STOML3: variants seen among roughly 807,000 people sequenced by gnomAD.
STOML3 encodes the protein stomatin like 3.
STOML3 carries 31 observed loss-of-function variants against 29.5 expected under a neutral mutation model. The ratio of observed to expected loss-of-function variants is 1.05; its 90% CI spans 0.79 to 1.42. STOML3 has a LOEUF of 1.42. Among genes scored for constraint, STOML3 ranks in the 40% most tolerant of loss-of-function variants. The pLI is 0.00. For synonymous variants in STOML3, 122 were observed against 139.8 expected, an observed-to-expected ratio of 0.87 and a Z score of 0.90; for missense variants, 380 against 363.0, an observed-to-expected ratio of 1.05 and a Z score of -0.38.
At chr13:38,981,870 T>G (rs1881278116) in intron 1 of STOML3, among the ~76,000 whole-genome samples, 1 of 152,168 alleles carries the variant, frequency 6.6e-6, no homozygotes, top group African/African-American at 2.4e-5. Flanking sequence ...CTACTAAAGC[T>G]AAACATGTAT....
rs746688340 is a variant in STOML3, at chr13:38,966,877, C to T, written c.824G>A (p.Gly275Asp). Residue 275 changes from glycine (G) to aspartate (D), a missense_variant, in exon 7 of 7, where the codon GGC (glycine) becomes GAC (aspartate). Physicochemically the swap from Gly to Asp is moderately conservative, Grantham distance 94. Coordinates refer to ENST00000379631, the MANE Select transcript of STOML3 (RefSeq NM_145286.3). ...GTTATCATAGCTGACGCCACCAATGCCCTCTAGTATATTCATGGGCAGAGG... is the reference window on the plus strand; with the variant it reads ...GTTATCATAGCTGACGCCACCAATGTCCTCTAGTATATTCATGGGCAGAGG... ...VFPLPMNILE[G>D]IGGVSYDNHK... 2 of 1,613,762 alleles carry T rather than the reference C, an allele frequency of 1.2e-6. No homozygotes were observed. Among genetic ancestry groups the T allele is most frequent in the Non-Finnish European group, 1.7e-6 (2 of 1,179,984 alleles).
chr13:38,975,699 A>G (rs1380688458), intron 3 of STOML3, among the ~76,000 whole-genome samples: 1 of 152,180 alleles, frequency 6.6e-6, no homozygotes, highest in Non-Finnish European at 1.5e-5. Context: ...GCAATTTCCT[A>G]TGGTTCAACT....
chr13:38,973,106 A>C (rs113954281), intron 3 of STOML3, among the ~76,000 whole-genome samples: 28,121 of 116,206 alleles, frequency 0.24, 2,148 homozygotes, highest in Middle Eastern at 0.39. Flanking sequence ...TAAAAAAAAA[A>C]AAAAAAAAAA....
At chr13:38,980,180 T>G in intron 1 of STOML3, 1 of 1,524,976 alleles carries the variant, frequency 6.6e-7, no homozygotes, top group Non-Finnish European at 8.9e-7. Context: ...TTCCAAGATT[T>G]ACACTGGAGC....
chr13:38,976,666 T>G, intron 2 of STOML3, 28 bp downstream of exon 2: 1 of 1,613,898 alleles, frequency 6.2e-7, no homozygotes, highest in Non-Finnish European at 8.5e-7. Flanking sequence ...TTCATATAGA[T>G]AGCCCAGTTT....
At chr13:38,972,006 C>T (rs1593498980) in intron 4 of STOML3, among the ~76,000 whole-genome samples, 2 of 152,302 alleles carry the variant, frequency 1.3e-5, no homozygotes, top group Non-Finnish European at 1.5e-5. Context: ...TCTCCTCTGT[C>T]CTTATGCCTG....
chr13:38,968,565 A>G, intron 5 of STOML3, 31 bp from the exon 6 acceptor site: 2 of 1,612,750 alleles, frequency 1.2e-6, no homozygotes, highest in Non-Finnish European at 1.7e-6. Context: ...AAGACTAATA[A>G]GAAAGACAGG....
intron 1 of STOML3, among the ~76,000 whole-genome samples, chr13:38,977,180 A>T (rs1289801720): frequency 6.6e-6 from 1 of 152,198 alleles, no homozygotes; most frequent in East Asian, 1.9e-4. Context: ...CTCGAGGTAA[A>T]ATTCAAAGCA....
rs1880808267 is a variant in STOML3 at position 38,970,182 on chromosome 13, T to C, written c.516+3A>G. The C allele has an allele frequency of 1.2e-6, 2 of 1,611,128 alleles. No individual in the cohort carries two copies. The highest frequency in any genetic ancestry group is 3.3e-5 in the Admixed American group (2 of 59,954). On this transcript the variant is annotated splice_donor_region_variant and intron_variant, in intron 5 of 6. Coordinates refer to ENST00000379631, the MANE Select transcript of STOML3 (RefSeq NM_145286.3). ...ACAGGCTATTAGTTCATGGTGTCTT[T>C]ACCTGGATGCTATGGGCGATCTCTT... is the stretch of plus-strand genomic sequence containing the variant.
intron 1 of STOML3, among the ~76,000 whole-genome samples, chr13:38,984,938 T>C (rs766684058): frequency 6.6e-6 from 1 of 152,148 alleles, no homozygotes; most frequent in Non-Finnish European, 1.5e-5. Context: ...TACTTTGAAG[T>C]ACAGGATGAG....
At chr13:38,967,080 A>G in intron 6 of STOML3, 31 bp from the exon 7 acceptor site, 1 of 1,595,554 alleles carries the variant, frequency 6.3e-7, no homozygotes, top group Non-Finnish European at 8.6e-7. Context: ...TCGTTCAGAA[A>G]TAAAAGTTTA....
chr13:38,988,368 A>C (rs1178063432), intron 1 of STOML3, among the ~76,000 whole-genome samples: 1 of 53,078 alleles, frequency 1.9e-5, no homozygotes, highest in Non-Finnish European at 2.5e-5. Flanking sequence ...TATTTTATAT[A>C]ATATATTATA....
At chr13:38,980,370 T>C (rs1881230659) in intron 1 of STOML3, among the ~76,000 whole-genome samples, 1 of 152,084 alleles carries the variant, frequency 6.6e-6, no homozygotes, top group Non-Finnish European at 1.5e-5. Context: ...CCTGGCAGCC[T>C]TTCTCTCTCC....
intron 1 of STOML3, among the ~76,000 whole-genome samples, chr13:38,977,129 C>T (rs1039089068): frequency 2.0e-5 from 3 of 152,192 alleles, no homozygotes; most frequent in African/African-American, 2.4e-5. Flanking sequence ...ATCTCTGGAC[C>T]GTCCACACCA....
At chr13:38,978,690 C>T (rs1211677603) in intron 1 of STOML3, among the ~76,000 whole-genome samples, 6 of 152,170 alleles carry the variant, frequency 3.9e-5, no homozygotes, top group African/African-American at 1.4e-4. Flanking sequence ...CTTCCCTATC[C>T]AGTTGCAGAA....
Position 38,972,563 on chromosome 13 carries a change from C to T in STOML3, c.261G>A (p.Val87=), listed in dbSNP as rs771751812. The T allele has an allele frequency of 6.8e-6, 11 of 1,614,004 alleles. No homozygotes were observed. The South Asian group carries it at 9.9e-5, about 14-fold the overall frequency. The change falls in exon 4 of 7, where the codon GTG becomes GTA. Residue 87 remains valine (V), a synonymous_variant. Transcript: ENST00000379631. ...CTGTTCGGAGGTCAACTTTGACAAA[C>T]ACATCTATGCATGGCAGGACCAGGA... ...GLILVLPCID[V]FVKVDLRTVT...
At chr13:38,982,665 G>T (rs945153104) in intron 1 of STOML3, among the ~76,000 whole-genome samples, 3 of 152,074 alleles carry the variant, frequency 2.0e-5, no homozygotes, top group African/African-American at 7.2e-5. Context: ...CATCAAACTG[G>T]GTACTGGGTC....
intron 3 of STOML3, 114 bp from the exon 4 acceptor site, chr13:38,972,708 C>A: frequency 1.2e-6 from 1 of 858,632 alleles, no homozygotes; most frequent in Non-Finnish European, 1.9e-6. Context: ...TCAGATGATC[C>A]TCAATATGCA....
rs753483931 is a variant in STOML3 at position 38,976,840 on chromosome 13, T to C, written c.53-43A>G. 4 of 1,553,270 alleles carry C rather than the reference T, an allele frequency of 2.6e-6. No homozygotes were observed. In the East Asian group the frequency reaches 9.2e-5, roughly 36 times the overall value. On this transcript the variant is annotated intron_variant, in intron 1 of 6. Coordinates refer to ENST00000379631, the MANE Select transcript of STOML3 (RefSeq NM_145286.3). ...AGCAAATATGTGATCAATGTGGTTA[T>C]TAAAAAAGCCACCCAGCTGCATGGG...
Sources: allele counts gnomAD v4.1 joint callset (sites outside exome capture counted in the v4.1 genomes callset), GRCh38; gene constraint gnomAD v4.1.1; transcripts MANE v1.5; gene names NCBI Gene and HGNC (gene_info 2026-07-23, HGNC 2026-07-21).